Variants in DDX43 observed in about 807,000 individuals in gnomAD.
DDX43 encodes the protein DEAD-box helicase 43.
A neutral mutation model predicts 84.9 loss-of-function variants in DDX43; 50 were observed. That is an observed-to-expected ratio of 0.59 (90% confidence interval 0.47 to 0.75). DDX43 has a LOEUF of 0.75. DDX43 is among the 30% of genes least tolerant of loss of function. DDX43 has a pLI of 0.00. For missense variants in DDX43, 689 were observed against 798.6 expected, an observed-to-expected ratio of 0.86 and a Z score of 1.65; for synonymous variants, 291 against 266.3, an observed-to-expected ratio of 1.09 and a Z score of -0.90.
chr6:73,404,919 T>G (rs745905596), intron 5 of DDX43, 148 bp downstream of exon 5: 1 of 702,936 alleles, frequency 1.4e-6, no homozygotes, highest in African/African-American at 1.8e-5. Context: ...TTTTAGAACA[T>G]TGTTGTCTAG....
Position 73,407,532 on chromosome 6 carries a change from C to T in DDX43, c.954C>T (p.Gly318=), listed in dbSNP as rs1183814023. 5 of 1,613,346 alleles carry T rather than the reference C, an allele frequency of 3.1e-6. No individual in the cohort carries two copies. Among genetic ancestry groups the T allele is most frequent in the Admixed American group, 3.3e-5 (2 of 59,978 alleles). Residue 318 remains glycine, a synonymous_variant, in exon 8 of 17, where the codon GGC becomes GGT. Coordinates refer to ENST00000370336, the MANE Select transcript of DDX43 (RefSeq NM_018665.3). The part of the protein sequence containing the change: ...PSLKGQRNRP[G]MLVLTPTREL... ...TTAAAGGTCAAAGGAATAGACCCGG[C>T]ATGTTAGTTCTAACTCCCACTCGGG...
intron 6 of DDX43, 35 bp downstream of exon 6, chr6:73,405,870 G>GTTTTTTT: frequency 6.3e-7 from 1 of 1,591,662 alleles, no homozygotes; most frequent in Non-Finnish European, 8.6e-7. Flanking sequence ...TTCACTCAAT[G>GTTTTTTT]TTTTTCTTCG....
intron 2 of DDX43, 86 bp from the exon 3 acceptor site, chr6:73,400,148 T>G: frequency 9.0e-7 from 1 of 1,115,318 alleles, no homozygotes; most frequent in Non-Finnish European, 1.3e-6. Flanking sequence ...AGTTGAGTGA[T>G]TGTTGGAAGG....
chr6:73,412,668 T>TGTGTGTGCGCGC lies in DDX43; in HGVS notation c.1368+377_1368+378insTGTGTGCGCGCG, dbSNP rs538597626. On this transcript the variant is annotated intron_variant, in intron 11 of 16. Coordinates refer to ENST00000370336, the MANE Select transcript of DDX43 (RefSeq NM_018665.3). ...GTGTGTGTGTGTGTGTGTGTGTGTG[T>TGTGTGTGCGCGC]GCGCGCGCGCGTGTGTGTGTGTGCG... Among the ~76,000 whole-genome samples the TGTGTGTGCGCGC allele has an allele frequency of 1.7e-3, 182 of 108,428 alleles. 4 individuals are homozygous for TGTGTGTGCGCGC. The East Asian group carries it at 0.023, about 14-fold the overall frequency. The allele number at this position is 108,428 out of a possible 152,430, so 71.1% of individuals were successfully genotyped here. A position where few individuals can be genotyped will look rare whatever the true frequency, so the allele number is the denominator to read the frequency against.
intron 1 of DDX43, 37 bp downstream of exon 1, chr6:73,395,192 G>T (rs1386368515): frequency 2.6e-6 from 4 of 1,564,464 alleles, no homozygotes; most frequent in Non-Finnish European, 3.5e-6. Context: ...AGGATAGGTG[G>T]GGCCAGGGGC....
rs1389952046 is a variant in DDX43, at chr6:73,395,034, T to C, written c.129T>C (p.Tyr43=). 1 of 1,614,168 alleles carries C rather than the reference T, an allele frequency of 6.2e-7. No individual in the cohort carries two copies. The highest frequency in any genetic ancestry group is 2.2e-5 in the East Asian group (1 of 44,862). The change falls in exon 1 of 17, where the codon TAT becomes TAC. Residue 43 remains tyrosine, a synonymous_variant. Coordinates refer to ENST00000370336, the MANE Select transcript of DDX43 (RefSeq NM_018665.3). Reference sequence around the variant, plus strand: ...TGAATCGAACAGGTCCTGAGGGATATAGTGTCGGCAGAGGTGGTCGCTGGA... The same window carrying C: ...TGAATCGAACAGGTCCTGAGGGATACAGTGTCGGCAGAGGTGGTCGCTGGA... ...EELNRTGPEG[Y]SVGRGGRWRG...
In DDX43 at chr6:73,408,015, G is replaced by C; in HGVS notation, c.1093G>C (p.Gly365Arg). 1 of 1,613,716 alleles carries C rather than the reference G, an allele frequency of 6.2e-7. No homozygotes were observed. The highest frequency in any genetic ancestry group is 8.5e-7 in the Non-Finnish European group (1 of 1,179,706). ...TGAACAAATAGAAGAGCTTAAAAAA[G>C]GTGTAGATATCATAATTGCAACTCC... ...RDEQIEELKK[G>R]VDIIIATPGR... Residue 365 changes from glycine to arginine, a missense_variant, in exon 9 of 17, where the codon GGT becomes CGT. Physicochemically the swap from Gly to Arg is moderately radical, Grantham distance 125. Coordinates refer to ENST00000370336, the MANE Select transcript of DDX43 (RefSeq NM_018665.3).
chr6:73,399,970 G>A (rs1043654868), intron 2 of DDX43, among the ~76,000 whole-genome samples: 4 of 152,254 alleles, frequency 2.6e-5, no homozygotes, highest in African/African-American at 9.6e-5. Flanking sequence ...TATTTGCTGA[G>A]TTTATTCCCT....
intron 3 of DDX43, among the ~76,000 whole-genome samples, chr6:73,401,303 T>G (rs1182842208): frequency 3.9e-5 from 6 of 152,178 alleles, no homozygotes; most frequent in African/African-American, 1.4e-4. Flanking sequence ...TGAGATAATA[T>G]CTGCTTCCCA....
At chr6:73,406,999 C>G (rs573524639) in intron 7 of DDX43, 159 of 153,736 alleles carry the variant, frequency 1.0e-3, no homozygotes, top group Middle Eastern at 0.01. Context: ...TAATATCAGC[C>G]ATTTTTTAGG....
In DDX43 at chr6:73,413,959, T is replaced by C; in HGVS notation, c.1497-11T>C. ...AGCACCTAAGAATGCTGAGTTTATCTTTTGCTTCAGTGCGGATCACTTATC... is the reference window on the plus strand; with the variant it reads ...AGCACCTAAGAATGCTGAGTTTATCCTTTGCTTCAGTGCGGATCACTTATC... On this transcript the variant is annotated splice_polypyrimidine_tract_variant and intron_variant, in intron 12 of 16. Transcript: ENST00000370336. The C allele has an allele frequency of 6.3e-7, 1 of 1,591,000 alleles. No individual in the cohort carries two copies. The highest frequency in any genetic ancestry group is 1.1e-5 in the South Asian group (1 of 90,208).
rs1407314810 is a variant in DDX43 at position 73,400,418 on chromosome 6, T to C, written c.436+55T>C. 3.4e-6 allele frequency: 5 copies of C among 1,455,928 alleles called. No homozygotes were observed. The African/African-American group carries it at 7.2e-5, about 21-fold the overall frequency. 90.2% of individuals were successfully genotyped at this position (1,455,928 alleles called of 1,614,324 possible). A position where few individuals can be genotyped will look rare whatever the true frequency, so the allele number is the denominator to read the frequency against. On this transcript the variant is annotated intron_variant, in intron 3 of 16. Transcript: ENST00000370336. ...TAAAAGTTTTTAATTTCATTCAGTG[T>C]TATAAGCCATTATACCTGATTTCAC...
chr6:73,415,211 T>C (rs1769879181), intron 14 of DDX43, among the ~76,000 whole-genome samples: 1 of 152,114 alleles, frequency 6.6e-6, no homozygotes, highest in South Asian at 2.1e-4. Context: ...GGCAGGAGAA[T>C]CACTTGAACC....
chr6:73,406,287 G>A (rs1582638452), intron 6 of DDX43, 77 bp from the exon 7 acceptor site: 3 of 1,037,840 alleles, frequency 2.9e-6, no homozygotes, highest in East Asian at 5.1e-5. Context: ...CTCCCAAAGT[G>A]CTGGGATTAC....
rs1295597889 is a variant in DDX43 at position 73,408,636 on chromosome 6, A to G, written c.1179+535A>G. On this transcript the variant is annotated intron_variant, in intron 9 of 16. Coordinates refer to ENST00000370336, the MANE Select transcript of DDX43 (RefSeq NM_018665.3). ...CTGTCGCATGATCTTGGCTCACTGCAACCTTCGCCTCCCAGGTTCAAGTGA... is the reference window on the plus strand; with the variant it reads ...CTGTCGCATGATCTTGGCTCACTGCGACCTTCGCCTCCCAGGTTCAAGTGA... Among the ~76,000 whole-genome samples the G allele has an allele frequency of 2.0e-5, 3 of 151,872 alleles. No individual in the cohort carries two copies. In the East Asian group the frequency reaches 5.9e-4, roughly 30 times the overall value.
In DDX43 at chr6:73,413,024, A is replaced by C. The variant is rs117304183; in HGVS notation, c.1369-634A>C. Among the ~76,000 whole-genome samples, 179 of 152,286 alleles carry C rather than the reference A, an allele frequency of 1.2e-3. 8 individuals carry two copies. The East Asian group carries it at 0.03, about 26-fold the overall frequency. On this transcript the variant is annotated intron_variant, in intron 11 of 16. Coordinates refer to ENST00000370336, the MANE Select transcript of DDX43 (RefSeq NM_018665.3). Reference sequence around the variant, plus strand: ...ATTACAGGCGTGAGCCACCGCACCCAGCAAAGTCAGGGTTTATATTTTTCT... The same window carrying C: ...ATTACAGGCGTGAGCCACCGCACCCCGCAAAGTCAGGGTTTATATTTTTCT...
At chr6:73,412,678 C>CGCAT (rs143068937) in intron 11 of DDX43, among the ~76,000 whole-genome samples, 1 of 76,408 alleles carries the variant, frequency 1.3e-5, no homozygotes, top group African/African-American at 4.6e-5. Flanking sequence ...TGCGCGCGCG[C>CGCAT]GTGTGTGTGT....
intron 5 of DDX43, 115 bp downstream of exon 5, chr6:73,404,886 A>C (rs542130671): frequency 1.2e-6 from 1 of 805,902 alleles, no homozygotes; most frequent in Non-Finnish European, 2.0e-6. Flanking sequence ...TATTCAAATG[A>C]AAATGTGTCA....
At chr6:73,401,054 T>A (rs183502919) in intron 3 of DDX43, among the ~76,000 whole-genome samples, 1 of 152,316 alleles carries the variant, frequency 6.6e-6, no homozygotes, top group Non-Finnish European at 1.5e-5. Flanking sequence ...CATGGCTCAT[T>A]ATAGCCTTGA....
Sources: gnomAD v4.1 joint callset for allele counts (sites outside exome capture counted in the v4.1 genomes callset) on GRCh38, gnomAD v4.1.1 for gene constraint, MANE v1.5 for transcripts, NCBI Gene and HGNC (gene_info 2026-07-23, HGNC 2026-07-21) for gene names.